Variants in IL4R observed in about 807,000 individuals in gnomAD.
IL4R encodes the protein interleukin-4 receptor subunit alpha.
A neutral mutation model predicts 41.5 loss-of-function variants in IL4R; 17 were observed. The observed-to-expected ratio is 0.41, with a 90% CI of 0.28 to 0.61. The LOEUF is 0.61. Among genes scored for constraint, IL4R ranks in the 20% least tolerant of loss-of-function variants. The pLI, the probability that IL4R is intolerant of heterozygous loss-of-function variation, is 0.31. For missense variants in IL4R, 974 were observed against 1,043.1 expected (o/e 0.93, Z 0.91); for synonymous variants, 402 against 422.9 (o/e 0.95, Z 0.61).
intron 1 of IL4R, among the ~76,000 whole-genome samples, chr16:27,328,370 G>A: frequency 6.6e-6 from 1 of 151,552 alleles, no homozygotes. Flanking sequence ...CAGCCTCTCA[G>A]CCTCCCGAGT....
intron 4 of IL4R, 103 bp downstream of exon 4, chr16:27,342,362 G>A: frequency 7.1e-7 from 1 of 1,408,880 alleles, no homozygotes; most frequent in African/African-American, 1.4e-5. Flanking sequence ...AGGATGCTGA[G>A]TATGGTTTGC....
intron 1 of IL4R, 177 bp downstream of exon 1, chr16:27,314,197 T>A: frequency 3.6e-6 from 3 of 829,344 alleles, no homozygotes; most frequent in Non-Finnish European, 4.4e-6. Context: ...GTTCCGTCCT[T>A]GCCGCCGAAC....
chr16:27,343,094 T>C (rs2085496065), intron 4 of IL4R, among the ~76,000 whole-genome samples: 1 of 152,216 alleles, frequency 6.6e-6, no homozygotes, highest in Non-Finnish European at 1.5e-5. Context: ...GGTGGTTCCC[T>C]GGGCTACTCC....
chr16:27,352,976 C>T (rs1251864335), intron 7 of IL4R, among the ~76,000 whole-genome samples: 1 of 152,214 alleles, frequency 6.6e-6, no homozygotes, highest in African/African-American at 2.4e-5. Flanking sequence ...GGTGGTTTCC[C>T]TCCCTGTAGA....
intron 1 of IL4R, among the ~76,000 whole-genome samples, chr16:27,327,029 C>T (rs901571115): frequency 3.9e-5 from 6 of 152,166 alleles, no homozygotes; most frequent in African/African-American, 7.2e-5. Context: ...CCAGAGGAAG[C>T]TCTGGGCTGG....
At chr16:27,343,603 T>G (rs1405941492) in intron 4 of IL4R, among the ~76,000 whole-genome samples, 1 of 152,168 alleles carries the variant, frequency 6.6e-6, no homozygotes, top group African/African-American at 2.4e-5. Context: ...ATTTTTCGTA[T>G]TTTTAGTAGA....
intron 2 of IL4R, among the ~76,000 whole-genome samples, chr16:27,334,900 A>C (rs537545060): frequency 6.6e-6 from 1 of 152,196 alleles, no homozygotes; most frequent in South Asian, 2.1e-4. Context: ...ACAGTTACTG[A>C]ACACGTCCTA....
Position 27,314,125 on chromosome 16 carries a change from A to T in IL4R, c.-152+105A>T, listed in dbSNP as rs113704351. On this transcript the variant is annotated intron_variant, in intron 1 of 10. Coordinates refer to ENST00000395762, the MANE Select transcript of IL4R (RefSeq NM_000418.4). The stretch of plus-strand genomic sequence containing the variant: ...TCGGCCGCCGGCGGGGACCACGGGG[A>T]CCACCCCGACTCCGAGCGGGGCCCG... 1.5e-4 allele frequency: 152 copies of T among 981,356 alleles called. 1 individual carries two copies. The African/African-American group carries it at 2.4e-3, about 16-fold the overall frequency. The allele number at this position is 981,356 out of a possible 1,614,324, so 60.8% of individuals were successfully genotyped here.
At position 27,363,030 on chromosome 16, in the gene IL4R, C is replaced by T; in HGVS notation, c.1678C>T (p.Gln560Ter). The T allele has an allele frequency of 4.3e-6, 7 of 1,614,170 alleles. No individual in the cohort carries two copies. In the South Asian group the frequency reaches 7.7e-5, roughly 18 times the overall value. ...WEQILRRNVL[Q>*]HGAAAAPVSA... ...GCAGATCCTCCGCCGAAATGTCCTC[C>T]AGCATGGGGCAGCTGCAGCCCCCGT... Residue 560 changes from glutamine to a stop codon, truncating the protein, a stop_gained, in exon 11 of 11, where the codon CAG becomes TAG. Coordinates refer to ENST00000395762, the MANE Select transcript of IL4R (RefSeq NM_000418.4). LOFTEE classifies it low-confidence loss of function (END_TRUNC).
At chr16:27,315,460 A>C (rs1347249089) in intron 1 of IL4R, 1 of 152,464 alleles carries the variant, frequency 6.6e-6, no homozygotes, top group African/African-American at 2.4e-5. Flanking sequence ...GAGGGCTGGG[A>C]GGGTGCGGAT....
At chr16:27,355,726 C>G in intron 7 of IL4R, 82 bp from the exon 8 acceptor site, 1 of 953,742 alleles carries the variant, frequency 1.0e-6, no homozygotes, top group Non-Finnish European at 1.7e-6. Flanking sequence ...AGGGTCCTGA[C>G]CCTGGGTCTC....
At chr16:27,347,866 G>A (rs1292326700) in intron 6 of IL4R, among the ~76,000 whole-genome samples, 1 of 152,252 alleles carries the variant, frequency 6.6e-6, no homozygotes, top group Non-Finnish European at 1.5e-5. Flanking sequence ...GGCTATGACA[G>A]TACAAGGTGT....
intron 4 of IL4R, among the ~76,000 whole-genome samples, chr16:27,342,648 T>G (rs986631495): frequency 9.9e-5 from 15 of 152,188 alleles, no homozygotes; most frequent in Admixed American, 2.0e-4. Flanking sequence ...TTTAAAAAAT[T>G]AAAACAATTA....
At chr16:27,340,698 C>T (rs773483021) in intron 3 of IL4R, among the ~76,000 whole-genome samples, 4 of 151,712 alleles carry the variant, frequency 2.6e-5, no homozygotes, top group East Asian at 1.9e-4. Context: ...CTCCAGCCTG[C>T]GTGAGAAAGT....
chr16:27,332,794 T>C (rs56943160), intron 2 of IL4R, among the ~76,000 whole-genome samples: 9,164 of 152,034 alleles, frequency 0.06, 725 homozygotes, highest in African/African-American at 0.18. Flanking sequence ...TTCTAAGATA[T>C]ACATTCAATA....
chr16:27,327,844 G>C (rs1318281619), intron 1 of IL4R, among the ~76,000 whole-genome samples: 2 of 152,054 alleles, frequency 1.3e-5, no homozygotes, highest in Non-Finnish European at 2.9e-5. Flanking sequence ...ACTTAGAACA[G>C]GGCCAGGCAC....
At chr16:27,354,646 G>A (rs577872280) in intron 7 of IL4R, among the ~76,000 whole-genome samples, 3 of 152,364 alleles carry the variant, frequency 2.0e-5, no homozygotes, top group African/African-American at 7.2e-5. Context: ...GGAAAAAGCT[G>A]TTGAGTGAAG....
In IL4R at chr16:27,362,527, G is replaced by C. The variant is rs1438591312; in HGVS notation, c.1175G>C (p.Arg392Thr). 1.2e-6 allele frequency: 2 copies of C among 1,614,076 alleles called. No individual in the cohort carries two copies. The highest frequency in any genetic ancestry group is 8.5e-7 in the Non-Finnish European group (1 of 1,180,038). The change falls in exon 11 of 11, where the codon AGG (arginine) becomes ACG (threonine). Residue 392 changes from arginine (R) to threonine (T), a missense_variant. Transcript: ENST00000395762. ...TTCTGTGCATCGCCTGAGAGCAGCA[G>C]GGATGACTTCCAGGAGGGAAGGGAG... ...GSFCASPESS[R>T]DDFQEGREGI... is the part of the protein sequence containing the mutation.
intron 2 of IL4R, among the ~76,000 whole-genome samples, chr16:27,331,434 C>T (rs1436723203): frequency 3.3e-5 from 5 of 152,124 alleles, no homozygotes; most frequent in African/African-American, 1.2e-4. Flanking sequence ...ATAATATTAC[C>T]TATTTCATAG....
Sources: gnomAD v4.1 joint callset for allele counts (sites outside exome capture counted in the v4.1 genomes callset) on GRCh38, gnomAD v4.1.1 for gene constraint, MANE v1.5 for transcripts, NCBI Gene and HGNC (gene_info 2026-07-23, HGNC 2026-07-21) for gene names.